The following PAH variants were observed in gnomAD, a reference collection of about 807,000 sequenced individuals.
PAH encodes the protein phenylalanine hydroxylase.
Under a neutral mutation model 62.0 loss-of-function variants are expected in PAH, and 64 were observed. That is an observed-to-expected ratio of 1.03 (90% confidence interval 0.84 to 1.27). PAH has a LOEUF of 1.27. PAH is among the 50% of genes most tolerant of loss of function. The pLI is 0.00. For synonymous variants in PAH, 195 were observed against 196.2 expected (o/e 0.99, Z 0.05); for missense variants, 579 against 542.8 (o/e 1.07, Z -0.66).
At chr12:102,847,342 A>G (rs1874895780) in intron 8 of PAH, 1 of 271,250 alleles carries the variant, frequency 3.7e-6, no homozygotes. Flanking sequence ...GAAACATCAC[A>G]GGAGAACTGC....
At chr12:102,947,186 T>C (rs1879533612) in intron 1 of PAH, among the ~76,000 whole-genome samples, 1 of 152,186 alleles carries the variant, frequency 6.6e-6, no homozygotes, top group East Asian at 1.9e-4. Context: ...TGTGTGTGTA[T>C]ATGTGTGTGT....
intron 5 of PAH, among the ~76,000 whole-genome samples, chr12:102,864,186 G>T (rs1271444858): frequency 1.3e-5 from 2 of 152,128 alleles, no homozygotes; most frequent in African/African-American, 4.8e-5. Flanking sequence ...TTTCAGAGTG[G>T]GGTTTCAATT....
upstream of PAH, chr12:102,917,446 A>G (rs35465699): frequency 0.012 from 4,813 of 412,982 alleles, 209 homozygotes; most frequent in African/African-American, 0.09. Flanking sequence ...GGAAGAAGCC[A>G]GGGAGCGACG....
chr12:102,855,448 A>G, intron 5 of PAH, 116 bp from the exon 6 acceptor site: 4 of 747,314 alleles, frequency 5.4e-6, no homozygotes, highest in Non-Finnish European at 9.4e-6. Flanking sequence ...CACTTGCTAC[A>G]GTGAATTTCA....
At chr12:102,912,954 C>A in intron 1 of PAH, 56 bp from the exon 2 acceptor site, 1 of 1,161,510 alleles carries the variant, frequency 8.6e-7, no homozygotes, top group South Asian at 1.2e-5. Context: ...CAATTCATTC[C>A]TGTTAAACCT....
At chr12:102,918,781 G>A (rs933218156), upstream of PAH, among the ~76,000 whole-genome samples, 4 of 152,068 alleles carry the variant, frequency 2.6e-5, no homozygotes, top group African/African-American at 4.8e-5. Flanking sequence ...TATTGAAGGC[G>A]AAGATCTTGA....
At chr12:102,859,383 T>C (rs1317796751) in intron 5 of PAH, among the ~76,000 whole-genome samples, 3 of 152,178 alleles carry the variant, frequency 2.0e-5, no homozygotes, top group Non-Finnish European at 4.4e-5. Context: ...ATAGCCGAAT[T>C]CTACCAGAGG....
At chr12:102,873,467 T>C (rs1876440771) in intron 4 of PAH, among the ~76,000 whole-genome samples, 2 of 152,208 alleles carry the variant, frequency 1.3e-5, no homozygotes, top group Non-Finnish European at 2.9e-5. Context: ...TGACCCACAT[T>C]GGAAGTGAAC....
intron 1 of PAH, among the ~76,000 whole-genome samples, chr12:102,947,453 AG>A (rs1463905915): frequency 3.9e-5 from 6 of 152,236 alleles, no homozygotes; most frequent in African/African-American, 1.4e-4. Context: ...GATCCCAGGG[AG>A]GTCAGTCCAG....
chr12:102,916,051 C>A, intron 1 of PAH, among the ~76,000 whole-genome samples: 1 of 152,106 alleles, frequency 6.6e-6, no homozygotes, highest in East Asian at 1.9e-4. Context: ...CAGGATGGAG[C>A]CAGGACCTGT....
At position 102,877,176 on chromosome 12, in the gene PAH, A is replaced by G. The variant is rs1876602106; in HGVS notation, c.441+286T>C. On this transcript the variant is annotated intron_variant, in intron 4 of 12. Transcript: ENST00000553106. ...TAGATGTACACAGGCAGAAACAATG[A>G]TGATTTGCATCTGTGTGTGTGTTTG... is the stretch of plus-strand genomic sequence containing the variant. 6.5e-6 allele frequency: 3 copies of G among 459,946 alleles called. No homozygotes were observed. The Admixed American group carries it at 1.0e-4, about 15-fold the overall frequency. The allele number at this position is 459,946 out of a possible 1,614,324, so 28.5% of individuals were successfully genotyped here. A position where few individuals can be genotyped will look rare whatever the true frequency, so the allele number is the denominator to read the frequency against.
intron 4 of PAH, among the ~76,000 whole-genome samples, chr12:102,874,456 T>C (rs1378075258): frequency 1.3e-5 from 2 of 152,148 alleles, no homozygotes; most frequent in Admixed American, 6.5e-5. Flanking sequence ...GCCTGAGACA[T>C]AGTTCACACA....
chr12:102,958,210 G>A (rs1439420830), exon 1 of PAH: 4 of 1,441,250 alleles, frequency 2.8e-6, no homozygotes, highest in Admixed American at 5.3e-5. Context: ...GTCCCGGATC[G>A]CTCTGATTCC....
chr12:102,899,549 G>T (rs1200827544), intron 2 of PAH, among the ~76,000 whole-genome samples: 1 of 152,150 alleles, frequency 6.6e-6, no homozygotes, highest in African/African-American at 2.4e-5. Flanking sequence ...CACAATGGAA[G>T]ATTAGGCAAT....
chr12:102,932,715 G>A (rs1348295785), intron 1 of PAH, among the ~76,000 whole-genome samples: 1 of 152,210 alleles, frequency 6.6e-6, no homozygotes, highest in African/African-American at 2.4e-5. Context: ...ATGAAAGGAG[G>A]CAAAGCAGGT....
At position 102,843,756 on chromosome 12, in the gene PAH, C is replaced by A. The variant is rs63329263; in HGVS notation, c.1089G>T (p.Lys363Asn). Residue 363 changes from lysine (K) to asparagine (N), a missense_variant, in exon 11 of 13, where the codon AAG (lysine) becomes AAT (asparagine). Transcript: ENST00000553106. ...ELQYCLSEKPKLLPLELEKTA... is the reference protein window; with the variant it reads ...ELQYCLSEKPNLLPLELEKTA... The stretch of plus-strand genomic sequence containing the variant: ...TCTTCTCCAGCTCCAGGGGGAGAAG[C>A]TTTGGCTTCTCTGATAAGCAGTACT... 1.9e-6 allele frequency: 3 copies of A among 1,613,702 alleles called. No homozygotes were observed. The highest frequency in any genetic ancestry group is 2.2e-5 in the East Asian group (1 of 44,884).
In PAH at chr12:102,913,941, G is replaced by GA. The variant is rs1878293705; in HGVS notation, c.61-1044dup. ...AGCAGCAGGTACCTAAAACTGGGAAGAAAAAAATTTGCAGAACAATTACTC... is the reference window on the plus strand; with the variant it reads ...AGCAGCAGGTACCTAAAACTGGGAAGAAAAAAAATTTGCAGAACAATTACTC... On this transcript the variant is annotated intron_variant, in intron 1 of 12. Transcript: ENST00000553106. 4.5e-6 allele frequency: 3 copies of GA among 671,062 alleles called. No individual in the cohort carries two copies. In the South Asian group the frequency reaches 4.8e-5, roughly 11 times the overall value. The allele number at this position is 671,062 out of a possible 1,614,324, so 41.6% of individuals were successfully genotyped here. A position where few individuals can be genotyped will look rare whatever the true frequency, so the allele number is the denominator to read the frequency against.
upstream of PAH, among the ~76,000 whole-genome samples, chr12:102,951,479 G>C (rs1449849898): frequency 6.6e-6 from 1 of 152,190 alleles, no homozygotes; most frequent in East Asian, 1.9e-4. Context: ...CAACTCCAAA[G>C]ACGGAAGTTG....
intron 3 of PAH, among the ~76,000 whole-genome samples, chr12:102,881,316 G>T (rs574245833): frequency 6.6e-6 from 1 of 150,858 alleles, no homozygotes; most frequent in South Asian, 2.1e-4. Context: ...CTGACCTATT[G>T]CATATATTTT....
Sources: allele counts gnomAD v4.1 joint callset (sites outside exome capture counted in the v4.1 genomes callset), GRCh38; gene constraint gnomAD v4.1.1; transcripts MANE v1.5; gene names NCBI Gene and HGNC (gene_info 2026-07-23, HGNC 2026-07-21).